NTRK3: variants seen among roughly 807,000 people sequenced by gnomAD.
NTRK3 encodes the protein NT-3 growth factor receptor.
Under a neutral mutation model 91.7 loss-of-function variants are expected in NTRK3, and 24 were observed. The ratio of observed to expected loss-of-function variants is 0.26; its 90% CI spans 0.19 to 0.37. NTRK3 has a LOEUF of 0.37. Ranked by LOEUF, NTRK3 falls within the 10% of genes least tolerant of loss-of-function variation. The pLI is 1.00. For synonymous variants in NTRK3, 483 were observed against 404.0 expected (o/e 1.20, Z -2.34); for missense variants, 880 against 1,068.9 (o/e 0.82, Z 2.46).
chr15:88,137,911 C>A (rs770230487), intron 6 of NTRK3, among the ~76,000 whole-genome samples: 1 of 151,994 alleles, frequency 6.6e-6, no homozygotes, highest in South Asian at 2.1e-4. Flanking sequence ...ATTAGCCGTG[C>A]GTGGTGGCGC....
chr15:88,253,951 A>C (rs1333975089), intron 3 of NTRK3, among the ~76,000 whole-genome samples: 1 of 152,210 alleles, frequency 6.6e-6, no homozygotes, highest in Non-Finnish European at 1.5e-5. Flanking sequence ...TCAGAGGAGC[A>C]ACACCTCTGT....
rs191229176 is a variant in NTRK3, at chr15:87,978,320, T to C, written c.1586-37567A>G. The C allele has an allele frequency of 1.7e-4, 39 of 230,138 alleles. 1 individual carries two copies. Among genetic ancestry groups the C allele is most frequent in the East Asian group, 1.3e-3 (21 of 16,112 alleles). 14.3% of individuals were successfully genotyped at this position (230,138 alleles called of 1,614,324 possible). ...ACCAGAGAACAGGAGGACACTTCCA[T>C]TGGTGCCATGAGAGGGGCTGGAGGA... On this transcript the variant is annotated intron_variant, in intron 14 of 18. Transcript: ENST00000394480.
chr15:87,963,537 G>T (rs544990048), intron 14 of NTRK3, among the ~76,000 whole-genome samples: 16 of 152,252 alleles, frequency 1.1e-4, no homozygotes, highest in Admixed American at 5.9e-4. Context: ...CTTTCAGTAT[G>T]GTATTCCATA....
chr15:87,941,555 G>T (rs184647869), intron 14 of NTRK3, among the ~76,000 whole-genome samples: 9 of 152,168 alleles, frequency 5.9e-5, no homozygotes, highest in African/African-American at 2.2e-4. Context: ...CACAGTGCCT[G>T]GTTCATGACA....
chr15:87,908,353 G>A (rs1000946128), intron 17 of NTRK3: 16 of 396,158 alleles, frequency 4.0e-5, no homozygotes, highest in African/African-American at 1.4e-4. Context: ...GATGCTCCAC[G>A]GTGGGAGGCA....
In NTRK3 at chr15:88,135,919, C is replaced by A. The variant is rs1469522784; in HGVS notation, c.887G>T (p.Ser296Ile). The A allele has an allele frequency of 2.5e-6, 4 of 1,614,104 alleles. No individual in the cohort carries two copies. The highest frequency in any genetic ancestry group is 3.4e-6 in the Non-Finnish European group (4 of 1,180,050). ...CTTACAGTAGACAGTGAGGGCAACA[C>A]TGGCATTGCTCATGCCCACCACGTT... Residue 296 changes from serine to isoleucine, a missense_variant, in exon 9 of 19, where the codon AGT becomes ATT. By Grantham distance (142) the Ser-to-Ile change is moderately radical (BLOSUM62 -2). Coordinates refer to ENST00000394480, the Ensembl canonical transcript of NTRK3.
chr15:87,925,256 A>T (rs2068194347), intron 17 of NTRK3, among the ~76,000 whole-genome samples: 1 of 152,196 alleles, frequency 6.6e-6, no homozygotes, highest in South Asian at 2.1e-4. Flanking sequence ...TGTAACAGGA[A>T]ATTAGGCAGT....
Position 87,981,110 on chromosome 15 carries a change from C to T in NTRK3, c.1586-40357G>A, listed in dbSNP as rs1328915098. 1.9e-5 allele frequency: 28 copies of T among 1,493,836 alleles called. 1 individual carries two copies. Among genetic ancestry groups the T allele is most frequent in the South Asian group, 1.8e-4 (15 of 82,116 alleles). The allele number at this position is 1,493,836 out of a possible 1,614,324, so 92.5% of individuals were successfully genotyped here. A position where few individuals can be genotyped will look rare whatever the true frequency, so the allele number is the denominator to read the frequency against. On this transcript the variant is annotated intron_variant, in intron 14 of 18. Coordinates refer to ENST00000394480, the Ensembl canonical transcript of NTRK3. ...CCAAATCCCGTGCTGGGCACCTAGT[C>T]GTACCTCAGTCCACGAAATATATGG...
chr15:88,116,943 T>C (rs981162733), intron 13 of NTRK3, among the ~76,000 whole-genome samples: 2 of 152,210 alleles, frequency 1.3e-5, no homozygotes, highest in Non-Finnish European at 2.9e-5. Context: ...GCTCCCAGCA[T>C]TATCAGATGA....
chr15:88,002,168 GTTTTT>G (rs770668339), intron 14 of NTRK3, among the ~76,000 whole-genome samples: 2 of 70,162 alleles, frequency 2.9e-5, no homozygotes, highest in East Asian at 4.5e-4. Context: ...GATAGTGGTT[GTTTTT>G]TTTTTTTTTT....
intron 13 of NTRK3, among the ~76,000 whole-genome samples, chr15:88,038,217 T>A (rs545248218): frequency 0.15 from 23,072 of 152,186 alleles, 2,496 homozygotes; most frequent in African/African-American, 0.31. Context: ...ATTCATCATG[T>A]CTTCTGATGT....
rs79377952 is a variant in NTRK3, at chr15:88,066,087, C to G, written c.1397-33042G>C. Among the ~76,000 whole-genome samples, 569 of 152,322 alleles carry G rather than the reference C, an allele frequency of 3.7e-3. 1 individual carries two copies. Among genetic ancestry groups the G allele is most frequent in the African/African-American group, 0.013 (552 of 41,572 alleles). ...AAAGCAGCAACTATCTGGGTTTTTT[C>G]TCCCCTATGGAGAGATAACTGTAGC... On this transcript the variant is annotated intron_variant, in intron 13 of 18. Transcript: ENST00000394480.
chr15:88,185,717 G>A (rs1293516239), intron 3 of NTRK3, among the ~76,000 whole-genome samples: 2 of 152,124 alleles, frequency 1.3e-5, no homozygotes, highest in African/African-American at 4.8e-5. Flanking sequence ...AAAAGTGACA[G>A]CCACCTTCCC....
intron 17 of NTRK3, among the ~76,000 whole-genome samples, chr15:87,898,223 A>G (rs980083772): frequency 1.8e-4 from 28 of 152,222 alleles, no homozygotes; most frequent in Non-Finnish European, 2.9e-4. Context: ...AAATGTATGG[A>G]TGAGAAACCA....
chr15:88,155,844 C>CTATCTATA (rs1288127516), intron 5 of NTRK3, among the ~76,000 whole-genome samples: 3 of 145,716 alleles, frequency 2.1e-5, no homozygotes, highest in African/African-American at 7.9e-5. Flanking sequence ...ATCTATCTAT[C>CTATCTATA]TATATAAATG....
chr15:87,936,075 A>G (rs1203941790), intron 15 of NTRK3, among the ~76,000 whole-genome samples: 2 of 152,066 alleles, frequency 1.3e-5, no homozygotes, highest in South Asian at 2.1e-4. Flanking sequence ...AGGGCCGGTG[A>G]CTCTCTGGCC....
chr15:88,228,271 T>C (rs772770167), intron 3 of NTRK3, among the ~76,000 whole-genome samples: 32 of 151,934 alleles, frequency 2.1e-4, no homozygotes, highest in Admixed American at 5.2e-4. Flanking sequence ...GCCATTTCTC[T>C]CTCCCACCCC....
chr15:87,936,093 G>A (rs189691600), intron 15 of NTRK3, among the ~76,000 whole-genome samples: 5 of 152,280 alleles, frequency 3.3e-5, no homozygotes, highest in Middle Eastern at 3.4e-3. Flanking sequence ...GCCCCTCTCC[G>A]TGGGGTCCAC....
At chr15:88,168,074 C>G (rs1037475038) in intron 5 of NTRK3, among the ~76,000 whole-genome samples, 2 of 152,140 alleles carry the variant, frequency 1.3e-5, no homozygotes, top group African/African-American at 4.8e-5. Flanking sequence ...AAGGTAGGAA[C>G]AGAGCCCAGT....
Sources: allele counts gnomAD v4.1 joint callset (sites outside exome capture counted in the v4.1 genomes callset), GRCh38; gene constraint gnomAD v4.1.1; transcripts MANE v1.5; gene names NCBI Gene and HGNC (gene_info 2026-07-23, HGNC 2026-07-21).